CEP170: variants seen among roughly 807,000 people sequenced by gnomAD.
CEP170 encodes the protein centrosomal protein of 170 kDa.
CEP170 carries 21 observed loss-of-function variants against 151.9 expected under a neutral mutation model. That is an observed-to-expected ratio of 0.14 (90% confidence interval 0.10 to 0.20). The LOEUF (loss-of-function observed/expected upper bound fraction) is 0.20. CEP170 is among the 10% of genes least tolerant of loss of function. The pLI is 1.00. For missense variants in CEP170, 964 were observed against 1,892.9 expected (o/e 0.51, Z 9.11); for synonymous variants, 356 against 648.8 (o/e 0.55, Z 6.86).
At chr1:243,138,285 T>C (rs1283257310) in intron 16 of CEP170, among the ~76,000 whole-genome samples, 2 of 151,618 alleles carry the variant, frequency 1.3e-5, no homozygotes, top group East Asian at 3.9e-4. Flanking sequence ...GTTTAGAGAA[T>C]AGGCTCTTTT....
At chr1:243,218,944 G>T (rs1394065920) in intron 3 of CEP170, among the ~76,000 whole-genome samples, 1 of 152,140 alleles carries the variant, frequency 6.6e-6, no homozygotes, top group Non-Finnish European at 1.5e-5. Context: ...ACCTCCAAAA[G>T]TACTACTTTT....
At chr1:243,233,852 C>T (rs1056475186) in intron 1 of CEP170, among the ~76,000 whole-genome samples, 4 of 151,174 alleles carry the variant, frequency 2.6e-5, no homozygotes, top group East Asian at 3.9e-4. Context: ...TACTATAATA[C>T]TTAAGTTGAG....
intron 1 of CEP170, among the ~76,000 whole-genome samples, chr1:243,244,847 A>G (rs746693837): frequency 6.6e-6 from 1 of 152,196 alleles, no homozygotes; most frequent in African/African-American, 2.4e-5. Flanking sequence ...AAAAAAATCA[A>G]TTAACACACT....
At chr1:243,137,516 C>T (rs2055238813) in intron 16 of CEP170, among the ~76,000 whole-genome samples, 1 of 152,114 alleles carries the variant, frequency 6.6e-6, no homozygotes, top group Admixed American at 6.5e-5. Flanking sequence ...GTGGCTCACG[C>T]CTGTAATCCC....
chr1:243,198,653 A>T (rs1048970678), intron 7 of CEP170, among the ~76,000 whole-genome samples: 22 of 152,100 alleles, frequency 1.4e-4, no homozygotes, highest in Non-Finnish European at 2.5e-4. Context: ...AGAATAAATT[A>T]ATTTATTTTA....
chr1:243,210,244 T>G (rs2061691193), intron 4 of CEP170, among the ~76,000 whole-genome samples: 1 of 152,186 alleles, frequency 6.6e-6, no homozygotes, highest in Non-Finnish European at 1.5e-5. Flanking sequence ...GATATAAAAT[T>G]CAAAGTTAAC....
At chr1:243,253,991 T>C (rs1376495639) in intron 1 of CEP170, among the ~76,000 whole-genome samples, 1 of 152,124 alleles carries the variant, frequency 6.6e-6, no homozygotes, top group Admixed American at 6.5e-5. Flanking sequence ...GAAAGATGTA[T>C]CCATTCCCTC....
chr1:243,145,936 G>C (rs1003924435), intron 14 of CEP170, among the ~76,000 whole-genome samples: 13 of 152,116 alleles, frequency 8.5e-5, no homozygotes, highest in Non-Finnish European at 1.9e-4. Flanking sequence ...ACACTATCTA[G>C]AAGAGTTTAG....
At chr1:243,227,850 T>A (rs757194463) in intron 1 of CEP170, among the ~76,000 whole-genome samples, 1 of 152,204 alleles carries the variant, frequency 6.6e-6, no homozygotes, top group Non-Finnish European at 1.5e-5. Flanking sequence ...GCTTTGAGAA[T>A]AGTTATCCTA....
At chr1:243,139,258 C>G (rs1461966266) in intron 16 of CEP170, among the ~76,000 whole-genome samples, 1 of 152,022 alleles carries the variant, frequency 6.6e-6, no homozygotes, top group Non-Finnish European at 1.5e-5. Context: ...CATGCCACCA[C>G]GCCCGGCTAA....
At chr1:243,148,471 C>T (rs936358427) in intron 14 of CEP170, among the ~76,000 whole-genome samples, 6 of 151,706 alleles carry the variant, frequency 4.0e-5, no homozygotes, top group African/African-American at 7.3e-5. Context: ...CTACTCAGGA[C>T]GCTGAGGCAC....
chr1:243,132,119 G>A (rs1211675887), intron 17 of CEP170, among the ~76,000 whole-genome samples: 4 of 152,114 alleles, frequency 2.6e-5, no homozygotes, highest in Non-Finnish European at 4.4e-5. Context: ...ATGTAAGTAC[G>A]CATGCCTCTA....
At chr1:243,169,356 T>A in intron 12 of CEP170, 1 of 403,130 alleles carries the variant, frequency 2.5e-6, no homozygotes, top group South Asian at 3.9e-5. Flanking sequence ...TTTATCACTT[T>A]GAATTTGTCC....
intron 8 of CEP170, 88 bp downstream of exon 8, chr1:243,190,930 A>G: frequency 6.9e-7 from 1 of 1,443,276 alleles, no homozygotes; most frequent in Non-Finnish European, 9.1e-7. Context: ...GTTTTCTACC[A>G]TGTAAGTATC....
intron 3 of CEP170, among the ~76,000 whole-genome samples, chr1:243,220,552 T>TA (rs202015206): frequency 2.0e-3 from 310 of 151,666 alleles, no homozygotes; most frequent in Middle Eastern, 6.8e-3. Flanking sequence ...TCAGAATTGG[T>TA]TAAAAAAAAT....
intron 1 of CEP170, among the ~76,000 whole-genome samples, chr1:243,240,114 C>T (rs1005177480): frequency 6.6e-6 from 1 of 152,136 alleles, no homozygotes; most frequent in Non-Finnish European, 1.5e-5. Flanking sequence ...AGTTTGAGAC[C>T]AGTCTGGCCA....
rs1479864439 is a variant in CEP170 at position 243,126,238 on chromosome 1, T to C, written c.*211A>G. 4.4e-6 allele frequency: 3 copies of C among 674,800 alleles called. No individual in the cohort carries two copies. In the African/African-American group the frequency reaches 5.3e-5, roughly 12 times the overall value. 41.8% of individuals were successfully genotyped at this position (674,800 alleles called of 1,614,324 possible). On this transcript the variant is annotated 3_prime_UTR_variant, in exon 20 of 20. Transcript: ENST00000366542. ...AGGCGACACTGCCACAATCTGCTTTTTCCTATTTGTGCATCAAGTGGTTAT... is the reference window on the plus strand; with the variant it reads ...AGGCGACACTGCCACAATCTGCTTTCTCCTATTTGTGCATCAAGTGGTTAT...
At chr1:243,252,546 G>A (rs1024100055) in intron 1 of CEP170, among the ~76,000 whole-genome samples, 1 of 151,898 alleles carries the variant, frequency 6.6e-6, no homozygotes, top group Admixed American at 6.6e-5. Context: ...AATAAATCAC[G>A]AAGCACAGAA....
intron 14 of CEP170, among the ~76,000 whole-genome samples, chr1:243,146,100 C>T (rs2056455269): frequency 6.6e-6 from 1 of 152,200 alleles, no homozygotes; most frequent in Admixed American, 6.5e-5. Flanking sequence ...CACATGTTCT[C>T]ACTTGTAAGT....
Sources: gnomAD v4.1 joint callset for allele counts (sites outside exome capture counted in the v4.1 genomes callset) on GRCh38, gnomAD v4.1.1 for gene constraint, MANE v1.5 for transcripts, NCBI Gene and HGNC (gene_info 2026-07-23, HGNC 2026-07-21) for gene names.